IGSF11: variants seen among roughly 807,000 people sequenced by gnomAD.
IGSF11 encodes immunoglobulin superfamily member 11.
A neutral mutation model predicts 41.0 loss-of-function variants in IGSF11; 22 were observed. The ratio of observed to expected loss-of-function variants is 0.54; its 90% CI spans 0.38 to 0.77. The LOEUF is 0.77. IGSF11 is among the 30% of genes least tolerant of loss of function. The pLI, the probability that IGSF11 is intolerant of heterozygous loss-of-function variation, is 0.00. For synonymous variants in IGSF11, 219 were observed against 201.3 expected (o/e 1.09, Z -0.74); for missense variants, 444 against 530.8 (o/e 0.84, Z 1.61).
intron 1 of IGSF11, among the ~76,000 whole-genome samples, chr3:119,064,054 G>C (rs1360695044): frequency 6.6e-6 from 1 of 152,242 alleles, no homozygotes; most frequent in Non-Finnish European, 1.5e-5. Flanking sequence ...TGGTTGAAAG[G>C]AGGAAGGGGA....
intron 1 of IGSF11, among the ~76,000 whole-genome samples, chr3:119,061,918 G>A (rs1215566004): frequency 6.6e-6 from 1 of 152,038 alleles, no homozygotes; most frequent in Admixed American, 6.6e-5. Context: ...ATGCGAAATA[G>A]AGCTTTTGCA....
intron 1 of IGSF11, among the ~76,000 whole-genome samples, chr3:119,136,118 C>T (rs141009839): frequency 1.1e-3 from 167 of 152,082 alleles, no homozygotes; most frequent in African/African-American, 3.9e-3. Context: ...ATGTAAATGA[C>T]GAGTTGATGG....
chr3:119,020,923 T>C (rs1939223018), intron 1 of IGSF11, among the ~76,000 whole-genome samples: 1 of 152,218 alleles, frequency 6.6e-6, no homozygotes, highest in African/African-American at 2.4e-5. Context: ...TATGTAAGTA[T>C]AAAGTTACTT....
chr3:118,945,081 A>G (rs1026811586), intron 1 of IGSF11: 3 of 152,244 alleles, frequency 2.0e-5, no homozygotes, highest in African/African-American at 7.2e-5. Flanking sequence ...AGGCATAAAA[A>G]TATCTGCCTC....
At position 119,051,633 on chromosome 3, in the gene IGSF11, C is replaced by T. The variant is rs578109809; in HGVS notation, c.49+53511G>A. Reference sequence around the variant, plus strand: ...TATACACTAGAACAAATGGACTTAACAGATATTTACAGAACATTCTACCCA... The same window carrying T: ...TATACACTAGAACAAATGGACTTAATAGATATTTACAGAACATTCTACCCA... On this transcript the variant is annotated intron_variant, in intron 1 of 6. Coordinates refer to the IGSF11 transcript ENST00000354673. Among the ~76,000 whole-genome samples, 29 of 152,268 alleles carry T rather than the reference C, an allele frequency of 1.9e-4. No individual in the cohort carries two copies. In the South Asian group the frequency reaches 5.6e-3, roughly 29 times the overall value.
At chr3:118,985,130 C>T (rs1358489485) in intron 1 of IGSF11, among the ~76,000 whole-genome samples, 1 of 152,042 alleles carries the variant, frequency 6.6e-6, no homozygotes, top group Non-Finnish European at 1.5e-5. Flanking sequence ...ATATGCTGAG[C>T]CACATTAAAA....
Position 118,902,466 on chromosome 3 carries a change from C to CCCGGG in IGSF11, c.*53_*54insCCCGG. The CCCGGG allele has an allele frequency of 1.1e-6, 1 of 878,270 alleles. No homozygotes were observed. The highest frequency in any genetic ancestry group is 1.8e-6 in the Non-Finnish European group (1 of 544,884). 54.4% of individuals were successfully genotyped at this position (878,270 alleles called of 1,614,324 possible). A position where few individuals can be genotyped will look rare whatever the true frequency, so the allele number is the denominator to read the frequency against. Reference sequence around the variant, plus strand: ...CAGCACTCCCCACCCCACCCTCCCCCTTGTATGAGGGCATTCCATTTATTC... The same window carrying CCCGGG: ...CAGCACTCCCCACCCCACCCTCCCCCCCGGGTTGTATGAGGGCATTCCATTTATTC... On this transcript the variant is annotated 3_prime_UTR_variant, in exon 7 of 7. Coordinates refer to ENST00000393775, the MANE Select transcript of IGSF11 (RefSeq NM_001015887.3).
intron 1 of IGSF11, among the ~76,000 whole-genome samples, chr3:119,104,169 G>A (rs1260439865): frequency 6.6e-6 from 1 of 152,064 alleles, no homozygotes; most frequent in East Asian, 1.9e-4. Flanking sequence ...ATTACAACCA[G>A]CATGATCTAA....
At chr3:119,081,376 T>G (rs2076583301) in intron 1 of IGSF11, among the ~76,000 whole-genome samples, 1 of 152,160 alleles carries the variant, frequency 6.6e-6, no homozygotes, top group Non-Finnish European at 1.5e-5. Context: ...TATTTCTTTG[T>G]GCTCTACTCG....
intron 1 of IGSF11, among the ~76,000 whole-genome samples, chr3:119,056,307 A>G (rs1436415419): frequency 6.6e-6 from 1 of 152,242 alleles, no homozygotes; most frequent in Non-Finnish European, 1.5e-5. Flanking sequence ...TCGATTACAC[A>G]GAAATATAAA....
intron 1 of IGSF11, among the ~76,000 whole-genome samples, chr3:119,029,980 C>T (rs1472661819): frequency 1.3e-5 from 2 of 152,200 alleles, no homozygotes; most frequent in Non-Finnish European, 2.9e-5. Context: ...TGGTACACTA[C>T]CATTAGTGGC....
At chr3:118,920,257 T>TA (rs553278031) in intron 4 of IGSF11, among the ~76,000 whole-genome samples, 36,681 of 137,166 alleles carry the variant, frequency 0.27, 5,024 homozygotes, top group East Asian at 0.41. Context: ...ACTTAAAGTA[T>TA]AAAAAAAAAA....
intron 1 of IGSF11, among the ~76,000 whole-genome samples, chr3:119,081,393 G>T (rs1346432324): frequency 6.6e-6 from 1 of 151,602 alleles, no homozygotes; most frequent in Non-Finnish European, 1.5e-5. Context: ...CTCGATCATT[G>T]TCATAACCAT....
At chr3:119,076,797 CTTTTTTT>C (rs199524952) in intron 1 of IGSF11, among the ~76,000 whole-genome samples, 1 of 149,022 alleles carries the variant, frequency 6.7e-6, no homozygotes, top group Admixed American at 6.7e-5. Flanking sequence ...AATAGGAACA[CTTTTTTT>C]TTTTACGTTG....
intron 1 of IGSF11, among the ~76,000 whole-genome samples, chr3:118,935,738 T>C (rs945800041): frequency 1.1e-4 from 17 of 152,020 alleles, no homozygotes; most frequent in African/African-American, 4.1e-4. Flanking sequence ...TGATGGGACC[T>C]CAGTAGAGGA....
chr3:119,092,759 C>T (rs555221477), intron 1 of IGSF11, among the ~76,000 whole-genome samples: 1 of 152,270 alleles, frequency 6.6e-6, no homozygotes, highest in South Asian at 2.1e-4. Context: ...GTTAAGTGCC[C>T]TATACAGATA....
At chr3:119,129,345 T>TA (rs1358658777) in intron 1 of IGSF11, among the ~76,000 whole-genome samples, 1 of 152,182 alleles carries the variant, frequency 6.6e-6, no homozygotes, top group East Asian at 1.9e-4. Flanking sequence ...CTGGTGATAG[T>TA]AAGTACACGG....
At chr3:119,001,340 A>C (rs1217134017) in intron 1 of IGSF11, among the ~76,000 whole-genome samples, 2 of 151,666 alleles carry the variant, frequency 1.3e-5, no homozygotes, top group African/African-American at 4.8e-5. Flanking sequence ...CCACATGGGC[A>C]GGGAACTTCT....
At chr3:118,951,272 G>C (rs996477505) in intron 1 of IGSF11, among the ~76,000 whole-genome samples, 1 of 152,216 alleles carries the variant, frequency 6.6e-6, no homozygotes, top group African/African-American at 2.4e-5. Flanking sequence ...CCTTATATCA[G>C]GGACTGCAAC....
Sources: gnomAD v4.1 joint callset for allele counts (sites outside exome capture counted in the v4.1 genomes callset) on GRCh38, gnomAD v4.1.1 for gene constraint, MANE v1.5 for transcripts, NCBI Gene and HGNC (gene_info 2026-07-23, HGNC 2026-07-21) for gene names.